Variants in FAAH2 observed in about 807,000 individuals in gnomAD.
FAAH2 encodes fatty acid amide hydrolase 2.
Under a neutral mutation model 36.9 loss-of-function variants are expected in FAAH2, and 60 were observed. That is an observed-to-expected ratio of 1.63 (90% CI 1.32 to 2.02). The LOEUF (loss-of-function observed/expected upper bound fraction) is 2.02. Ranked by LOEUF, FAAH2 falls within the 30% of genes most tolerant of loss-of-function variation. The probability of loss-of-function intolerance (pLI) is 0.00; values close to 1 mark genes in which losing one functional copy is unlikely to be tolerated. For synonymous variants in FAAH2, 214 were observed against 143.8 expected (o/e 1.49, Z -3.49); for missense variants, 689 against 397.5 (o/e 1.73, Z -6.23).
intron 7 of FAAH2, among the ~76,000 whole-genome samples, chrX:57,414,182 C>A (rs1298152922): frequency 1.8e-5 from 2 of 111,990 alleles, no homozygotes; most frequent in Non-Finnish European, 3.8e-5. Context: ...ATCCTCTCTT[C>A]CTATTTGAAT....
chrX:57,244,504 G>A, the FAAH2 span, among the ~76,000 whole-genome samples: 4 of 111,699 alleles, frequency 3.6e-5, no homozygotes, highest in Admixed American at 9.5e-5. Context: ...GAGAAAGGTC[G>A]GGTTACCCAC....
the FAAH2 span, among the ~76,000 whole-genome samples, chrX:57,162,804 G>C: frequency 1.8e-5 from 2 of 112,125 alleles, no homozygotes; most frequent in African/African-American, 3.2e-5. Flanking sequence ...CATTTGGTTT[G>C]AATGTCCTCC....
chrX:57,161,721 T>A, the FAAH2 span, among the ~76,000 whole-genome samples: 1 of 111,635 alleles, frequency 9.0e-6, no homozygotes, highest in Admixed American at 9.5e-5. Flanking sequence ...TGGTAGATCT[T>A]CCCCCATCCC....
Position 57,314,716 on chromosome X carries a change from C to CA in FAAH2, c.412+3995dup, listed in dbSNP as rs200566322. Among the ~76,000 whole-genome samples, 470 of 109,922 alleles carry CA rather than the reference C, an allele frequency of 4.3e-3. 3 individuals are homozygous for CA. Among genetic ancestry groups the CA allele is most frequent in the African/African-American group, 0.014 (430 of 30,401 alleles). On this transcript the variant is annotated intron_variant, in intron 3 of 10. Transcript: ENST00000374900. ...AAATTAAGGCAGAAATACAAAAAAACAAAAAAAATCTCTAAAATTAATGAA... is the reference window on the plus strand; with the variant it reads ...AAATTAAGGCAGAAATACAAAAAAACAAAAAAAAATCTCTAAAATTAATGAA...
chrX:57,210,044 G>GT, the FAAH2 span, among the ~76,000 whole-genome samples: 2 of 110,655 alleles, frequency 1.8e-5, no homozygotes, highest in Non-Finnish European at 3.8e-5. Flanking sequence ...CCTGCCAGGG[G>GT]TGAGGGATGG....
the FAAH2 span, among the ~76,000 whole-genome samples, chrX:57,142,698 T>A: frequency 8.9e-6 from 1 of 111,807 alleles, no homozygotes; most frequent in African/African-American, 3.2e-5. Flanking sequence ...ATGTTGAAAG[T>A]GGGGTGTTAT....
chrX:57,302,765 C>T (rs2052412964), intron 2 of FAAH2, among the ~76,000 whole-genome samples: 1 of 111,155 alleles, frequency 9.0e-6, no homozygotes, highest in African/African-American at 3.3e-5. Flanking sequence ...TCTCAGACCT[C>T]AATAAATCTT....
At chrX:57,231,066 T>TGTGTGTGTGA in the FAAH2 span, among the ~76,000 whole-genome samples, 569 of 108,424 alleles carry the variant, frequency 5.2e-3, 4 homozygotes, top group African/African-American at 0.018. Flanking sequence ...TGTGTGTGTG[T>TGTGTGTGTGA]GAGTGTGTGT....
chrX:57,327,441 A>T (rs994987066), intron 3 of FAAH2, among the ~76,000 whole-genome samples: 2 of 109,634 alleles, frequency 1.8e-5, no homozygotes, highest in Non-Finnish European at 3.8e-5. Context: ...GTGTTTTCCA[A>T]CTTGGTTCCA....
chrX:57,305,901 T>C (rs1430629432), intron 2 of FAAH2, among the ~76,000 whole-genome samples: 1 of 111,783 alleles, frequency 8.9e-6, no homozygotes, highest in African/African-American at 3.3e-5. Flanking sequence ...GGTTGCAGAC[T>C]GGGACACTGT....
chrX:57,398,669 GTCCCTCCCTC>G (rs2055361355), intron 7 of FAAH2, among the ~76,000 whole-genome samples: 1 of 110,535 alleles, frequency 9.0e-6, no homozygotes, highest in Non-Finnish European at 1.9e-5. Flanking sequence ...CCCGATCATT[GTCCCTCCCTC>G]TGTGCTCTCA....
rs1213883611 is a variant in FAAH2, at chrX:57,343,418, CTT to C, written c.742+2031_742+2032del. 2.7e-5 allele frequency among the ~76,000 whole-genome samples: 3 copies of C among 111,551 alleles called. No homozygotes were observed. In the East Asian group the frequency reaches 8.4e-4, roughly 31 times the overall value. On this transcript the variant is annotated intron_variant, in intron 5 of 10. Transcript: ENST00000374900. ...GGTTTCTTGGCTGCTTGTACATCTTCTTTTGAGAAGTGTCCATTCATGTCATT... is the reference window on the plus strand; with the variant it reads ...GGTTTCTTGGCTGCTTGTACATCTTCTTGAGAAGTGTCCATTCATGTCATT...
chrX:57,335,157 A>G (rs2053511464), intron 4 of FAAH2, among the ~76,000 whole-genome samples: 1 of 111,075 alleles, frequency 9.0e-6, no homozygotes, highest in Non-Finnish European at 1.9e-5. Context: ...AGTCTCTCAG[A>G]TTACAGTGAA....
chrX:57,209,442 C>T, the FAAH2 span, among the ~76,000 whole-genome samples: 375 of 111,032 alleles, frequency 3.4e-3, 1 homozygote, highest in African/African-American at 0.012. Flanking sequence ...TGTCAGTTCC[C>T]TTTTTTATCA....
intron 10 of FAAH2, among the ~76,000 whole-genome samples, chrX:57,486,375 C>T (rs1283185441): frequency 9.0e-6 from 1 of 111,048 alleles, no homozygotes; most frequent in East Asian, 2.8e-4. Context: ...TCTACAGTTG[C>T]CTCCCAGCCT....
At chrX:57,349,286 CATATAT>C (rs1444247029) in intron 5 of FAAH2, among the ~76,000 whole-genome samples, 2 of 92,270 alleles carry the variant, frequency 2.2e-5, no homozygotes, top group African/African-American at 7.9e-5. Flanking sequence ...TACATATATA[CATATAT>C]ACACAGATAT....
At chrX:57,134,117 A>G in the FAAH2 span, among the ~76,000 whole-genome samples, 2 of 111,597 alleles carry the variant, frequency 1.8e-5, no homozygotes, top group African/African-American at 3.3e-5. Flanking sequence ...AGGAGGGGAG[A>G]AAGAGAAAGA....
At chrX:57,340,337 G>A (rs773257795) in intron 4 of FAAH2, among the ~76,000 whole-genome samples, 5 of 111,740 alleles carry the variant, frequency 4.5e-5, no homozygotes, top group African/African-American at 1.3e-4. Flanking sequence ...CCACTGACTC[G>A]AATATTAATC....
the FAAH2 span, among the ~76,000 whole-genome samples, chrX:57,160,708 G>A: frequency 2.7e-5 from 3 of 111,329 alleles, no homozygotes; most frequent in South Asian, 3.7e-4. Flanking sequence ...CTTTTTTATT[G>A]CATCTATTTG....
Sources: gnomAD v4.1 joint callset for allele counts (sites outside exome capture counted in the v4.1 genomes callset) on GRCh38, gnomAD v4.1.1 for gene constraint, MANE v1.5 for transcripts, NCBI Gene and HGNC (gene_info 2026-07-23, HGNC 2026-07-21) for gene names.